Variants in PPA1 observed in about 807,000 individuals in gnomAD.
PPA1 encodes the protein inorganic pyrophosphatase.
PPA1 carries 23 observed loss-of-function variants against 41.8 expected under a neutral mutation model. That is an observed-to-expected ratio of 0.55 (90% confidence interval 0.40 to 0.78). The LOEUF (loss-of-function observed/expected upper bound fraction) is 0.78, where lower values mean the gene tolerates loss of function less well. Among genes scored for constraint, PPA1 ranks in the 30% least tolerant of loss-of-function variants. The pLI is 0.00. For missense variants in PPA1, 320 were observed against 361.6 expected, an observed-to-expected ratio of 0.89 and a Z score of 0.93; for synonymous variants, 101 against 116.8, an observed-to-expected ratio of 0.86 and a Z score of 0.87.
intron 10 of PPA1, chr10:70,204,528 T>C (rs984704666): frequency 5.1e-6 from 1 of 197,492 alleles, no homozygotes; most frequent in African/African-American, 2.3e-5. Flanking sequence ...AGCTGAAGGA[T>C]GGGGAAAGGG....
At chr10:70,213,849 G>C (rs891722162) in intron 5 of PPA1, among the ~76,000 whole-genome samples, 2 of 152,048 alleles carry the variant, frequency 1.3e-5, no homozygotes, top group Non-Finnish European at 2.9e-5. Context: ...AATGTTTTTT[G>C]CACTGTCATT....
Position 70,206,343 on chromosome 10 carries a change from AAAAC to A in PPA1, c.726-14_726-11del. On this transcript the variant is annotated splice_polypyrimidine_tract_variant and intron_variant, in intron 8 of 10. Coordinates refer to ENST00000373232, the MANE Select transcript of PPA1 (RefSeq NM_021129.4). Reference sequence around the variant, plus strand: ...CAAAGTTGTATTCATGCTATTAAATAAAACAAAAGTAGTCATAAGACAAAATAAC... The same window carrying A: ...CAAAGTTGTATTCATGCTATTAAATAAAAAGTAGTCATAAGACAAAATAAC... 6.3e-7 allele frequency: 1 copy of A among 1,599,044 alleles called. No homozygotes were observed. The highest frequency in any genetic ancestry group is 8.6e-7 in the Non-Finnish European group (1 of 1,166,740).
intron 1 of PPA1, 35 bp downstream of exon 1, chr10:70,233,229 C>T (rs1173475161): frequency 1.3e-6 from 2 of 1,524,420 alleles, no homozygotes; most frequent in Non-Finnish European, 1.8e-6. Flanking sequence ...AATGGGCGGA[C>T]GGGCGCGGAG....
chr10:70,212,283 A>G (rs1310111798), intron 6 of PPA1, among the ~76,000 whole-genome samples: 1 of 152,202 alleles, frequency 6.6e-6, no homozygotes, highest in Admixed American at 6.5e-5. Context: ...GTTCCAGGTT[A>G]TATTACAATA....
chr10:70,213,444 A>T lies in PPA1; in HGVS notation c.511+19T>A. ...TATGAATTAATTAGAAAGACTTCAG[A>T]CTTTTCAAATTTTCTTACCATTATA... On this transcript the variant is annotated intron_variant, in intron 6 of 10. Transcript: ENST00000373232. 6.2e-7 allele frequency: 1 copy of T among 1,613,230 alleles called. No individual in the cohort carries two copies. Among genetic ancestry groups the T allele is most frequent in the Non-Finnish European group, 8.5e-7 (1 of 1,179,530 alleles).
At chr10:70,222,453 G>T (rs114208921) in intron 2 of PPA1, among the ~76,000 whole-genome samples, 1 of 151,796 alleles carries the variant, frequency 6.6e-6, no homozygotes, top group African/African-American at 2.4e-5. Context: ...TGAACCACCA[G>T]GATGTGCCAG....
intron 6 of PPA1, chr10:70,210,419 A>T: frequency 7.3e-7 from 1 of 1,364,490 alleles, no homozygotes; most frequent in Non-Finnish European, 9.8e-7. Context: ...ACTATTACAT[A>T]CTAAAAGATA....
chr10:70,214,420 A>C, intron 5 of PPA1, 80 bp downstream of exon 5: 1 of 1,118,842 alleles, frequency 8.9e-7, no homozygotes, highest in Non-Finnish European at 1.3e-6. Flanking sequence ...CATTTTATTC[A>C]CAGTATTTTT....
intron 6 of PPA1, 46 bp from the exon 7 acceptor site, chr10:70,209,731 A>T: frequency 1.3e-6 from 2 of 1,523,398 alleles, no homozygotes; most frequent in South Asian, 1.2e-5. Flanking sequence ...TGATTTTTTT[A>T]AAAAGAAAGA....
rs923203591 is a variant in PPA1 at position 70,231,327 on chromosome 10, A to G, written c.65-928T>C. Among the ~76,000 whole-genome samples the G allele has an allele frequency of 2.0e-5, 3 of 152,256 alleles. No individual in the cohort carries two copies. In the South Asian group the frequency reaches 6.2e-4, roughly 32 times the overall value. Reference sequence around the variant, plus strand: ...CACGCCTGTAATCCCAGCACTTTGGAAGGCCAAAGCAGGTGGATCACTGGA... The same window carrying G: ...CACGCCTGTAATCCCAGCACTTTGGGAGGCCAAAGCAGGTGGATCACTGGA... On this transcript the variant is annotated intron_variant, in intron 1 of 10. Coordinates refer to ENST00000373232, the MANE Select transcript of PPA1 (RefSeq NM_021129.4).
chr10:70,209,791 A>T, intron 6 of PPA1, 106 bp from the exon 7 acceptor site: 1 of 1,290,362 alleles, frequency 7.7e-7, no homozygotes, highest in Non-Finnish European at 1.1e-6. Context: ...ACTCAACAAA[A>T]ATTCCAAGTA....
At chr10:70,223,666 T>G (rs1011875907) in intron 2 of PPA1, among the ~76,000 whole-genome samples, 4 of 152,218 alleles carry the variant, frequency 2.6e-5, no homozygotes, top group Admixed American at 1.3e-4. Flanking sequence ...GCAACTGATA[T>G]GAGAAATTCA....
At chr10:70,232,093 T>C (rs1020017797) in intron 1 of PPA1, among the ~76,000 whole-genome samples, 14 of 152,210 alleles carry the variant, frequency 9.2e-5, no homozygotes, top group African/African-American at 3.1e-4. Flanking sequence ...GGGGTAGTTC[T>C]CACCCTTCCT....
chr10:70,230,461 A>T (rs748009441), intron 1 of PPA1, 62 bp from the exon 2 acceptor site: 7 of 1,489,646 alleles, frequency 4.7e-6, no homozygotes, highest in Non-Finnish European at 6.4e-6. Flanking sequence ...TGCCCACAGT[A>T]CACATTTTTT....
intron 2 of PPA1, among the ~76,000 whole-genome samples, chr10:70,220,765 ATATATATATAATATATATAATT>A (rs1840142319): frequency 4.5e-3 from 7 of 1,556 alleles, no homozygotes; most frequent in Non-Finnish European, 5.3e-3. Context: ...TATATAATTT[ATATATATATAATATATATAATT>A]TATATATATA....
At chr10:70,210,979 G>A (rs1471569843) in intron 6 of PPA1, among the ~76,000 whole-genome samples, 1 of 152,004 alleles carries the variant, frequency 6.6e-6, no homozygotes, top group Non-Finnish European at 1.5e-5. Flanking sequence ...TAGCTAGGAC[G>A]GTCTCGATCT....
intron 9 of PPA1, 51 bp downstream of exon 9, chr10:70,206,213 A>G: frequency 7.1e-7 from 1 of 1,405,956 alleles, no homozygotes; most frequent in South Asian, 1.2e-5. Flanking sequence ...ATTTAGCATC[A>G]TAGTTTTTAG....
At chr10:70,230,465 A>ATTT in intron 1 of PPA1, 66 bp from the exon 2 acceptor site, 1 of 1,273,990 alleles carries the variant, frequency 7.8e-7, no homozygotes, top group South Asian at 1.5e-5. Context: ...CACAGTACAC[A>ATTT]TTTTTTTTTT....
chr10:70,221,081 T>TATATATATATATATATATATATATATATA (rs1840162070), intron 2 of PPA1, among the ~76,000 whole-genome samples: 1 of 25,076 alleles, frequency 4.0e-5, no homozygotes, highest in African/African-American at 1.4e-4. Context: ...TATATATTTT[T>TATATATATATATATATATATATATATATA]TTTTTTTTTT....
Sources: allele counts gnomAD v4.1 joint callset (sites outside exome capture counted in the v4.1 genomes callset), GRCh38; gene constraint gnomAD v4.1.1; transcripts MANE v1.5; gene names NCBI Gene and HGNC (gene_info 2026-07-23, HGNC 2026-07-21).